The following PRICKLE2 variants were observed in gnomAD, a reference collection of about 807,000 sequenced individuals.
PRICKLE2 encodes the protein prickle planar cell polarity protein 2, also known as prickle-like protein 2.
PRICKLE2 carries 21 observed loss-of-function variants against 81.4 expected under a neutral mutation model. The observed-to-expected ratio is 0.26, with a 90% CI of 0.18 to 0.37. The LOEUF is 0.37. PRICKLE2 is among the 10% of genes least tolerant of loss of function. PRICKLE2 has a pLI of 1.00. For missense variants in PRICKLE2, 940 were observed against 1,109.0 expected, an observed-to-expected ratio of 0.85 and a Z score of 2.16; for synonymous variants, 456 against 421.5, an observed-to-expected ratio of 1.08 and a Z score of -1.00.
intron 1 of PRICKLE2, among the ~76,000 whole-genome samples, chr3:64,201,371 AGT>A (rs1275030700): frequency 3.3e-5 from 5 of 152,190 alleles, no homozygotes; most frequent in African/African-American, 1.2e-4. Flanking sequence ...CTGATGAATG[AGT>A]GTTCCATTTT....
chr3:64,156,421 C>G (rs1432765954), intron 5 of PRICKLE2, among the ~76,000 whole-genome samples: 1 of 152,214 alleles, frequency 6.6e-6, no homozygotes, highest in Non-Finnish European at 1.5e-5. Flanking sequence ...AGGAGGAAAC[C>G]TCTGTCTAGG....
intron 7 of PRICKLE2, among the ~76,000 whole-genome samples, chr3:64,118,166 C>G (rs1393121566): frequency 1.3e-5 from 2 of 152,142 alleles, no homozygotes; most frequent in Non-Finnish European, 2.9e-5. Flanking sequence ...AAAATTGAAA[C>G]TGGACTCCTT....
intron 6 of PRICKLE2, among the ~76,000 whole-genome samples, chr3:64,148,071 G>C (rs1469680068): frequency 2.0e-5 from 3 of 152,202 alleles, no homozygotes; most frequent in Non-Finnish European, 4.4e-5. Context: ...TCAGCTCCTT[G>C]AGCTAGCTTT....
intron 2 of PRICKLE2, among the ~76,000 whole-genome samples, chr3:64,180,431 A>T (rs975506177): frequency 7.2e-5 from 11 of 152,188 alleles, no homozygotes; most frequent in African/African-American, 2.6e-4. Flanking sequence ...TTATCTTCCC[A>T]TACTGAAACT....
chr3:64,207,408 C>T (rs1468108542), intron 1 of PRICKLE2, among the ~76,000 whole-genome samples: 1 of 152,100 alleles, frequency 6.6e-6, no homozygotes, highest in Non-Finnish European at 1.5e-5. Flanking sequence ...ACAGAAACAG[C>T]TGCTGGTCCT....
intron 1 of PRICKLE2, 72 bp downstream of exon 1, chr3:64,224,838 T>C: frequency 1.1e-6 from 1 of 892,620 alleles, no homozygotes; most frequent in African/African-American, 1.8e-5. Flanking sequence ...AGGCCCTAGA[T>C]CTGGCTTTCT....
intron 1 of PRICKLE2, among the ~76,000 whole-genome samples, chr3:64,201,120 C>T (rs1011856386): frequency 4.1e-4 from 61 of 149,876 alleles, no homozygotes; most frequent in Middle Eastern, 7.2e-3. Flanking sequence ...TAGTAGAGAC[C>T]GGGTTTCACC....
In PRICKLE2 at chr3:64,100,123, G is replaced by T. The variant is rs548372917; in HGVS notation, c.1661-198C>A. Reference sequence around the variant, plus strand: ...AGTAGGTCACTATCTACCTAGAGGGGGCACTTACTTAAAATGCTTCCAGAG... The same window carrying T: ...AGTAGGTCACTATCTACCTAGAGGGTGCACTTACTTAAAATGCTTCCAGAG... On this transcript the variant is annotated intron_variant, in intron 7 of 7. Transcript: ENST00000638394. 89 of 595,002 alleles carry T rather than the reference G, an allele frequency of 1.5e-4. No homozygotes were observed. In the Admixed American group the frequency reaches 2.2e-3, roughly 15 times the overall value. 36.9% of individuals were successfully genotyped at this position (595,002 alleles called of 1,614,324 possible). A position where few individuals can be genotyped will look rare whatever the true frequency, so the allele number is the denominator to read the frequency against.
At chr3:64,172,459 A>G (rs2107063927) in intron 2 of PRICKLE2, among the ~76,000 whole-genome samples, 1 of 152,360 alleles carries the variant, frequency 6.6e-6, no homozygotes, top group African/African-American at 2.4e-5. Flanking sequence ...GGTTCCAATA[A>G]TGGATGTAAC....
intron 2 of PRICKLE2, among the ~76,000 whole-genome samples, chr3:64,236,987 T>C (rs978632932): frequency 1.3e-5 from 2 of 152,208 alleles, no homozygotes; most frequent in African/African-American, 4.8e-5. Context: ...CTTAACCCCT[T>C]TGTGGGACTC....
intron 2 of PRICKLE2, among the ~76,000 whole-genome samples, chr3:64,237,740 G>A (rs2079203644): frequency 6.6e-6 from 1 of 152,136 alleles, no homozygotes; most frequent in South Asian, 2.1e-4. Flanking sequence ...ACCCTTTTCT[G>A]CCTAGTATTT....
At position 64,147,322 on chromosome 3, in the gene PRICKLE2, G is replaced by T; in HGVS notation, c.1168C>A (p.Arg390=). ...SLSSQTPSLN[R]DPIWRSREEP... is the part of the protein sequence containing the mutation. ...TCCCGGCTCCTCCAGATGGGGTCCC[G>T]GTTGAGGCTGGGTGTCTGGCTGGAC... is the stretch of plus-strand genomic sequence containing the variant. The change falls in exon 7 of 8, where the codon CGG becomes AGG. Residue 390 remains arginine, a synonymous_variant. Transcript: ENST00000638394. The surrounding 1 kb of genome is among the most constrained non-coding windows in gnomAD (Gnocchi z 5.0). 1 of 1,614,052 alleles carries T rather than the reference G, an allele frequency of 6.2e-7. No homozygotes were observed. The highest frequency in any genetic ancestry group is 1.3e-5 in the African/African-American group (1 of 75,048).
chr3:64,181,247 T>C (rs2078127749), intron 2 of PRICKLE2, among the ~76,000 whole-genome samples: 1 of 152,012 alleles, frequency 6.6e-6, no homozygotes, highest in African/African-American at 2.4e-5. Flanking sequence ...GCTCTAGGAG[T>C]GGCATGAGAA....
In PRICKLE2 at chr3:64,163,079, G is replaced by A. The variant is rs777980874; in HGVS notation, c.195C>T (p.Asn65=). ...TGATTCGCAGTTTCTCTCCAGGACT[G>A]TTGACATAAGGGACTTTCTCTTCTG... ...CLPEEKVPYV[N]SPGEKLRIKQ... Residue 65 remains asparagine (N), a synonymous_variant, in exon 3 of 8, where the codon AAC becomes AAT. Transcript: ENST00000638394. 6.2e-7 allele frequency: 1 copy of A among 1,613,982 alleles called. No homozygotes were observed. Among genetic ancestry groups the A allele is most frequent in the Non-Finnish European group, 8.5e-7 (1 of 1,179,872 alleles).
At chr3:64,267,955 G>GT (rs1559613268) in intron 2 of PRICKLE2, 4 of 152,222 alleles carry the variant, frequency 2.6e-5, no homozygotes, top group Non-Finnish European at 4.4e-5. Flanking sequence ...CCGGGAAACT[G>GT]CGGGGGAGCC....
intron 2 of PRICKLE2, chr3:64,163,696 A>G (rs2077772260): frequency 6.0e-6 from 1 of 166,084 alleles, no homozygotes; most frequent in South Asian, 1.6e-4. Flanking sequence ...AGAGCATGTA[A>G]TTAAAAATTG....
At chr3:64,113,657 G>GGGAGACT (rs1228834535) in intron 7 of PRICKLE2, among the ~76,000 whole-genome samples, 3 of 152,016 alleles carry the variant, frequency 2.0e-5, no homozygotes, top group African/African-American at 7.2e-5. Context: ...CACCCACCCA[G>GGGAGACT]CCCCCAGCCA....
At chr3:64,136,488 C>T (rs890061597) in intron 7 of PRICKLE2, among the ~76,000 whole-genome samples, 2 of 150,176 alleles carry the variant, frequency 1.3e-5, no homozygotes, top group African/African-American at 2.5e-5. Context: ...TAAGTGATCC[C>T]TGGAATACTC....
intron 2 of PRICKLE2, among the ~76,000 whole-genome samples, chr3:64,239,229 C>A (rs769651832): frequency 1.3e-5 from 2 of 152,118 alleles, no homozygotes; most frequent in Non-Finnish European, 2.9e-5. Flanking sequence ...ATGGAGCACA[C>A]AGAGCCCTGC....
Sources: gnomAD v4.1 joint callset for allele counts (sites outside exome capture counted in the v4.1 genomes callset) on GRCh38, gnomAD v4.1.1 for gene constraint, Gnocchi (gnomAD v3.1) non-coding constraint, MANE v1.5 for transcripts, NCBI Gene and HGNC (gene_info 2026-07-23, HGNC 2026-07-21) for gene names.